Variants in OCIAD1 observed in about 807,000 individuals in gnomAD.
The protein encoded by OCIAD1 is OCIA domain-containing protein 1.
In OCIAD1, 29 loss-of-function variants were observed where a neutral mutation model predicts 38.9. That is an observed-to-expected ratio of 0.74 (90% CI 0.55 to 1.02). OCIAD1 has a LOEUF of 1.02. Ranked by LOEUF, OCIAD1 falls within the 50% of genes least tolerant of loss-of-function variation. OCIAD1 has a pLI of 0.00. For missense variants in OCIAD1, 288 were observed against 289.6 expected, an observed-to-expected ratio of 0.99 and a Z score of 0.04; for synonymous variants, 110 against 92.0, an observed-to-expected ratio of 1.20 and a Z score of -1.12.
At chr4:48,812,905 T>A (rs970147278) in intron 1 of OCIAD1, among the ~76,000 whole-genome samples, 1 of 152,140 alleles carries the variant, frequency 6.6e-6, no homozygotes, top group African/African-American at 2.4e-5. Context: ...GGAGACAGAA[T>A]GGGTCGAACT....
At position 48,852,945 on chromosome 4, in the gene OCIAD1, G is replaced by A. The variant is rs1779662581; in HGVS notation, c.547+970G>A. ...CGCCCAGTCTGGACTGTAGTGGTGC[G>A]ATCTCGGCTCACTGCAACCTCCGCC... On this transcript the variant is annotated intron_variant, in intron 7 of 8. Transcript: ENST00000264312. Among the ~76,000 whole-genome samples, 3 of 144,224 alleles carry A rather than the reference G, an allele frequency of 2.1e-5. No individual in the cohort carries two copies. In the Admixed American group the frequency reaches 2.1e-4, roughly 10 times the overall value. The allele number at this position is 144,224 out of a possible 152,430, so 94.6% of individuals were successfully genotyped here. A position where few individuals can be genotyped will look rare whatever the true frequency, so the allele number is the denominator to read the frequency against.
At chr4:48,812,302 A>G (rs1777097269) in intron 1 of OCIAD1, among the ~76,000 whole-genome samples, 1 of 147,884 alleles carries the variant, frequency 6.8e-6, no homozygotes, top group Non-Finnish European at 1.5e-5. Context: ...AAAAAAAAAA[A>G]AAAAAAAAAA....
rs190823860 is a variant in OCIAD1 at position 48,806,810 on chromosome 4, C to T, written c.-103+1480C>T. On this transcript the variant is annotated intron_variant, in intron 1 of 6. Coordinates refer to the OCIAD1 transcript ENST00000504654. ...TAGTAGAGATGAGATTTCACCATGT[C>T]GGCCAGGATGGTCTCGATCTCTTGA... 7.2e-5 allele frequency among the ~76,000 whole-genome samples: 11 copies of T among 152,144 alleles called. No homozygotes were observed. The East Asian group carries it at 7.8e-4, about 11-fold the overall frequency.
chr4:48,816,299 C>T (rs1247020848), intron 1 of OCIAD1, among the ~76,000 whole-genome samples: 1 of 152,174 alleles, frequency 6.6e-6, no homozygotes, highest in Non-Finnish European at 1.5e-5. Context: ...ATCAGGACAT[C>T]TATATAGCGC....
At chr4:48,816,700 G>A (rs78047737) in intron 1 of OCIAD1, among the ~76,000 whole-genome samples, 59 of 152,294 alleles carry the variant, frequency 3.9e-4, no homozygotes, top group African/African-American at 1.3e-3. Context: ...GCAGGGCACC[G>A]TGGCTCACGC....
chr4:48,832,527 A>G, intron 1 of OCIAD1, 93 bp from the exon 2 acceptor site: 1 of 877,690 alleles, frequency 1.1e-6, no homozygotes, highest in Admixed American at 1.8e-5. Flanking sequence ...ATTGCTGTGT[A>G]GACTAGTAGT....
At chr4:48,839,873 A>G (rs577740588) in intron 3 of OCIAD1, among the ~76,000 whole-genome samples, 1 of 152,332 alleles carries the variant, frequency 6.6e-6, no homozygotes, top group South Asian at 2.1e-4. Context: ...TAGATATTAC[A>G]TACTGTAGTG....
At chr4:48,825,350 G>C (rs1777238927) in intron 1 of OCIAD1, among the ~76,000 whole-genome samples, 1 of 152,012 alleles carries the variant, frequency 6.6e-6, no homozygotes, top group African/African-American at 2.4e-5. Flanking sequence ...ATGAATCCAG[G>C]TCATCTAACA....
intron 3 of OCIAD1, among the ~76,000 whole-genome samples, chr4:48,833,714 T>C (rs1213870540): frequency 2.0e-5 from 3 of 152,192 alleles, no homozygotes; most frequent in African/African-American, 4.8e-5. Flanking sequence ...ATAATAGTAA[T>C]AGTTAGCATT....
At chr4:48,846,061 T>A (rs1284773103) in intron 4 of OCIAD1, among the ~76,000 whole-genome samples, 1 of 152,224 alleles carries the variant, frequency 6.6e-6, no homozygotes, top group Non-Finnish European at 1.5e-5. Context: ...TTGTCTTAAC[T>A]CTCTCTCTAG....
intron 3 of OCIAD1, among the ~76,000 whole-genome samples, chr4:48,840,351 A>G (rs1032111211): frequency 1.3e-5 from 2 of 152,234 alleles, no homozygotes; most frequent in African/African-American, 2.4e-5. Context: ...CTGGTGCTGT[A>G]ATTAAAAGGG....
At chr4:48,837,512 C>T (rs1415948744) in intron 3 of OCIAD1, among the ~76,000 whole-genome samples, 2 of 151,850 alleles carry the variant, frequency 1.3e-5, no homozygotes, top group Non-Finnish European at 1.5e-5. Flanking sequence ...AGGCTGGTCT[C>T]GAGCTCCTGA....
chr4:48,860,085 G>A (rs1276085814), intron 8 of OCIAD1: 1 of 152,270 alleles, frequency 6.6e-6, no homozygotes, highest in East Asian at 1.9e-4. Context: ...GAAGCTATGT[G>A]GAAGAGAAGC....
At chr4:48,822,520 C>T (rs1777204603) in intron 1 of OCIAD1, among the ~76,000 whole-genome samples, 1 of 152,128 alleles carries the variant, frequency 6.6e-6, no homozygotes, top group African/African-American at 2.4e-5. Flanking sequence ...AAAGTAATCA[C>T]AACAAAAGCC....
intron 1 of OCIAD1, among the ~76,000 whole-genome samples, chr4:48,814,434 C>T (rs1777123737): frequency 6.7e-6 from 1 of 149,150 alleles, no homozygotes; most frequent in Admixed American, 6.8e-5. Context: ...ATATTTATAA[C>T]AAAGTAGACA....
At chr4:48,820,579 T>A (rs1398035365) in intron 1 of OCIAD1, among the ~76,000 whole-genome samples, 1 of 151,960 alleles carries the variant, frequency 6.6e-6, no homozygotes, top group African/African-American at 2.4e-5. Flanking sequence ...GATAGAGACA[T>A]GAAAAACCCT....
chr4:48,834,671 T>C (rs1384001290), intron 3 of OCIAD1, among the ~76,000 whole-genome samples: 1 of 152,096 alleles, frequency 6.6e-6, no homozygotes, highest in Non-Finnish European at 1.5e-5. Flanking sequence ...TTTGGGAGGC[T>C]GAGGCTGAGG....
At chr4:48,845,216 G>C (rs941266413) in intron 4 of OCIAD1, among the ~76,000 whole-genome samples, 1 of 152,162 alleles carries the variant, frequency 6.6e-6, no homozygotes, top group Non-Finnish European at 1.5e-5. Context: ...TTTGAAGCCA[G>C]AGGCAGACTT....
intron 1 of OCIAD1, among the ~76,000 whole-genome samples, chr4:48,819,085 C>T (rs1236058113): frequency 5.3e-5 from 8 of 152,012 alleles, no homozygotes; most frequent in Non-Finnish European, 7.4e-5. Context: ...ACCACTAAGA[C>T]ACTCCTCAAG....
Sources: gnomAD v4.1 joint callset for allele counts (sites outside exome capture counted in the v4.1 genomes callset) on GRCh38, gnomAD v4.1.1 for gene constraint, MANE v1.5 for transcripts, NCBI Gene and HGNC (gene_info 2026-07-23, HGNC 2026-07-21) for gene names.